ZDHHC13: variants seen among roughly 807,000 people sequenced by gnomAD.
ZDHHC13 encodes the protein zDHHC palmitoyltransferase 13.
A neutral mutation model predicts 86.0 loss-of-function variants in ZDHHC13; 85 were observed. The observed-to-expected ratio is 0.99, with a 90% CI of 0.83 to 1.18. ZDHHC13 has a LOEUF of 1.18. ZDHHC13 is among the 50% of genes most tolerant of loss of function. The pLI is 0.00. For synonymous variants in ZDHHC13, 263 were observed against 246.4 expected (o/e 1.07, Z -0.63); for missense variants, 711 against 730.2 (o/e 0.97, Z 0.30).
In ZDHHC13 at chr11:19,172,821, G is replaced by A; in HGVS notation, c.1730+1G>A. ...TGTCCCTCAGGAAGACACCATACAAGTAAGCGAGACCTGTTTTGGATGCTG... is the reference window on the plus strand; with the variant it reads ...TGTCCCTCAGGAAGACACCATACAAATAAGCGAGACCTGTTTTGGATGCTG... On this transcript the variant is annotated splice_donor_variant, in intron 16 of 16. Transcript: ENST00000446113. LOFTEE classifies it high-confidence loss of function. 3 of 1,594,470 alleles carry A rather than the reference G, an allele frequency of 1.9e-6. No individual in the cohort carries two copies. Among genetic ancestry groups the A allele is most frequent in the East Asian group, 2.3e-5 (1 of 44,094 alleles).
At chr11:19,142,113 C>T (rs934856049) in intron 1 of ZDHHC13, among the ~76,000 whole-genome samples, 1 of 152,122 alleles carries the variant, frequency 6.6e-6, no homozygotes. Context: ...TGCTAAGGGT[C>T]TCTCACAGTT....
intron 1 of ZDHHC13, among the ~76,000 whole-genome samples, chr11:19,137,891 C>T (rs1849189884): frequency 6.6e-6 from 1 of 151,784 alleles, no homozygotes; most frequent in Non-Finnish European, 1.5e-5. Flanking sequence ...ATACCAGAAT[C>T]TCTGGGACGC....
chr11:19,122,516 A>C (rs1287250729), intron 1 of ZDHHC13, among the ~76,000 whole-genome samples: 7 of 152,156 alleles, frequency 4.6e-5, no homozygotes, highest in Non-Finnish European at 8.8e-5. Context: ...TAACAATATA[A>C]TTTGAAAATA....
chr11:19,173,541 C>A (rs1304684077), intron 16 of ZDHHC13, among the ~76,000 whole-genome samples: 2 of 152,110 alleles, frequency 1.3e-5, no homozygotes, highest in Admixed American at 1.3e-4. Flanking sequence ...TTAAAGCATG[C>A]TGTTGGTACA....
intron 1 of ZDHHC13, among the ~76,000 whole-genome samples, chr11:19,141,949 A>G (rs556665754): frequency 1.3e-5 from 2 of 152,172 alleles, no homozygotes; most frequent in African/African-American, 2.4e-5. Context: ...CCATTACTGT[A>G]TAACAAATTA....
At chr11:19,174,897 G>T (rs924972786) in intron 16 of ZDHHC13, among the ~76,000 whole-genome samples, 7 of 152,190 alleles carry the variant, frequency 4.6e-5, no homozygotes, top group Non-Finnish European at 1.0e-4. Flanking sequence ...GAACTAGAGG[G>T]ATACCTTATA....
At chr11:19,122,908 T>C (rs772722422) in intron 1 of ZDHHC13, among the ~76,000 whole-genome samples, 3 of 152,214 alleles carry the variant, frequency 2.0e-5, no homozygotes, top group Non-Finnish European at 4.4e-5. Flanking sequence ...GCTTTGAATA[T>C]AGTCATTTTT....
intron 1 of ZDHHC13, among the ~76,000 whole-genome samples, chr11:19,131,842 C>T (rs1464237215): frequency 6.6e-6 from 1 of 152,142 alleles, no homozygotes; most frequent in African/African-American, 2.4e-5. Context: ...CCACATTGGT[C>T]AGGGTGGTCT....
At position 19,163,374 on chromosome 11, in the gene ZDHHC13, A is replaced by T. The variant is rs1000763890; in HGVS notation, c.1180A>T (p.Thr394Ser). 3.9e-5 allele frequency: 62 copies of T among 1,608,308 alleles called. No homozygotes were observed. Among genetic ancestry groups the T allele is most frequent in the Non-Finnish European group, 4.9e-5 (58 of 1,177,532 alleles). ...IVAFLYFFYK[T>S]WATDPGFTKA... ...AGCCTTTCTATACTTTTTCTATAAG[A>T]CTTGGGCAACTGATCCAGGCTTCAC... The change falls in exon 11 of 17, where the codon ACT becomes TCT. Residue 394 changes from threonine (T) to serine (S), a missense_variant. Transcript: ENST00000446113.
Position 19,175,988 on chromosome 11 carries a change from G to A in ZDHHC13, c.*28G>A, listed in dbSNP as rs117638876. Reference sequence around the variant, plus strand: ...AAAAGCAACCCAAAACTCTCAATCTGATTTGTTTTTGTTTATGTCGATGCC... The same window carrying A: ...AAAAGCAACCCAAAACTCTCAATCTAATTTGTTTTTGTTTATGTCGATGCC... On this transcript the variant is annotated 3_prime_UTR_variant, in exon 17 of 17. Transcript: ENST00000446113. 3.6e-4 allele frequency: 566 copies of A among 1,577,540 alleles called. 2 individuals are homozygous for A. The highest frequency in any genetic ancestry group is 9.2e-4 in the Admixed American group (47 of 51,234).
At chr11:19,170,333 C>G in intron 14 of ZDHHC13, 78 bp from the exon 15 acceptor site, 1 of 1,472,078 alleles carries the variant, frequency 6.8e-7, no homozygotes, top group Non-Finnish European at 8.9e-7. Flanking sequence ...TATAGAACTG[C>G]AGTGATTTTA....
At chr11:19,147,129 T>G (rs1236472852) in intron 3 of ZDHHC13, among the ~76,000 whole-genome samples, 1 of 152,170 alleles carries the variant, frequency 6.6e-6, no homozygotes, top group Non-Finnish European at 1.5e-5. Context: ...ATGTCTAACT[T>G]TTCCAAAAGG....
At chr11:19,164,595 G>A (rs1414934292) in intron 12 of ZDHHC13, 2 of 540,892 alleles carry the variant, frequency 3.7e-6, no homozygotes, top group Non-Finnish European at 6.5e-6. Context: ...TCCATTGTGT[G>A]TTTTATTTGC....
At chr11:19,165,017 G>T in intron 12 of ZDHHC13, 35 bp from the exon 13 acceptor site, 1 of 1,588,642 alleles carries the variant, frequency 6.3e-7, no homozygotes, top group Non-Finnish European at 8.6e-7. Context: ...TGAGACACTG[G>T]TTTTTGCTTA....
intron 12 of ZDHHC13, 97 bp from the exon 13 acceptor site, chr11:19,164,955 C>CA (rs1850016493): frequency 1.1e-6 from 1 of 932,940 alleles, no homozygotes; most frequent in African/African-American, 1.6e-5. Context: ...GGATTTGTGC[C>CA]AATGCCTCTG....
At chr11:19,166,279 T>C (rs1850064425) in intron 13 of ZDHHC13, 23 bp from the exon 14 acceptor site, 2 of 1,579,752 alleles carry the variant, frequency 1.3e-6, no homozygotes, top group Non-Finnish European at 1.7e-6. Context: ...ATATTAAGTA[T>C]GTTTTTTTTC....
At chr11:19,131,378 A>C (rs1196412677) in intron 1 of ZDHHC13, among the ~76,000 whole-genome samples, 1 of 152,080 alleles carries the variant, frequency 6.6e-6, no homozygotes, top group South Asian at 2.1e-4. Context: ...CCTACTTGGG[A>C]TCCATTAAAC....
chr11:19,161,616 C>A (rs1849913726), intron 10 of ZDHHC13, among the ~76,000 whole-genome samples: 1 of 151,194 alleles, frequency 6.6e-6, no homozygotes. Context: ...TAAAATGGAA[C>A]CTTATTGATG....
At chr11:19,141,216 A>G (rs967428777) in intron 1 of ZDHHC13, among the ~76,000 whole-genome samples, 3 of 152,190 alleles carry the variant, frequency 2.0e-5, no homozygotes, top group African/African-American at 4.8e-5. Flanking sequence ...TGAATAGCCT[A>G]TGAGATTAGA....
Sources: gnomAD v4.1 joint callset for allele counts (sites outside exome capture counted in the v4.1 genomes callset) on GRCh38, gnomAD v4.1.1 for gene constraint, MANE v1.5 for transcripts, NCBI Gene and HGNC (gene_info 2026-07-23, HGNC 2026-07-21) for gene names.